PCDH15: variants seen among roughly 807,000 people sequenced by gnomAD.
PCDH15 encodes protocadherin-15.
In PCDH15, 129 loss-of-function variants were observed where a neutral mutation model predicts 178.5. The ratio of observed to expected loss-of-function variants is 0.72; its 90% confidence interval spans 0.63 to 0.84. PCDH15 has a LOEUF of 0.84. Ranked by LOEUF, PCDH15 falls within the 40% of genes least tolerant of loss-of-function variation. The pLI, the probability that PCDH15 is intolerant of heterozygous loss-of-function variation, is 0.00. For missense variants in PCDH15, 2,230 were observed against 2,099.9 expected, an observed-to-expected ratio of 1.06 and a Z score of -1.21; for synonymous variants, 800 against 732.0, an observed-to-expected ratio of 1.09 and a Z score of -1.50.
At chr10:55,371,182 T>C (rs2131989601) in intron 2 of PCDH15, among the ~76,000 whole-genome samples, 1 of 152,168 alleles carries the variant, frequency 6.6e-6, no homozygotes. Context: ...ATTAAAAGGA[T>C]GAGAAATTAA....
chr10:54,657,048 G>A (rs1258655499), intron 2 of PCDH15, among the ~76,000 whole-genome samples: 1 of 152,138 alleles, frequency 6.6e-6, no homozygotes, highest in Non-Finnish European at 1.5e-5. Context: ...CAAAGAAATA[G>A]CATCCCAGCA....
chr10:54,044,479 CAGTGA>C (rs2093617309), intron 18 of PCDH15, among the ~76,000 whole-genome samples: 1 of 152,032 alleles, frequency 6.6e-6, no homozygotes. Flanking sequence ...TTGAAAAGTT[CAGTGA>C]TGGCTCTCCT....
In PCDH15 at chr10:54,003,590, T is replaced by C. The variant is rs186690220; in HGVS notation, c.2752-7825A>G. ...ATCCAAAACATTGAACAAACTAGTA[T>C]CAAGTAACAAGATATAGCAAATAAC... On this transcript the variant is annotated intron_variant, in intron 20 of 37. Transcript: ENST00000644397. Among the ~76,000 whole-genome samples, 1,130 of 151,738 alleles carry C rather than the reference T, an allele frequency of 7.4e-3. 10 individuals are homozygous for C. Among genetic ancestry groups the C allele is most frequent in the African/African-American group, 0.026 (1,064 of 41,414 alleles).
chr10:54,998,833 T>G (rs1177255271), intron 2 of PCDH15, among the ~76,000 whole-genome samples: 1 of 152,192 alleles, frequency 6.6e-6, no homozygotes, highest in East Asian at 1.9e-4. Flanking sequence ...TAAAATGCAT[T>G]GTGGTATTTT....
intron 3 of PCDH15, among the ~76,000 whole-genome samples, chr10:54,498,386 AC>A (rs2137334342): frequency 6.6e-6 from 1 of 152,306 alleles, no homozygotes; most frequent in African/African-American, 2.4e-5. Context: ...CTACAAAGGA[AC>A]TATACAATTC....
rs117458736 is a variant in PCDH15, at chr10:54,115,554, T to C, written c.1917+17321A>G. Among the ~76,000 whole-genome samples the C allele has an allele frequency of 4.3e-4, 65 of 152,304 alleles. No homozygotes were observed. The East Asian group carries it at 9.8e-3, about 23-fold the overall frequency. ...GCTTTCTGAGGCAACCTGCGTCTAA[T>C]GAATATTGATGCAGACATATAAACA... On this transcript the variant is annotated intron_variant, in intron 15 of 37. Coordinates refer to ENST00000644397, the MANE Select transcript of PCDH15 (RefSeq NM_001384140.1).
At chr10:54,262,000 A>G (rs1156244088) in intron 8 of PCDH15, among the ~76,000 whole-genome samples, 1 of 152,198 alleles carries the variant, frequency 6.6e-6, no homozygotes, top group African/African-American at 2.4e-5. Flanking sequence ...GGACTGGCCC[A>G]TATACCTTGA....
At chr10:54,608,640 T>C (rs975936365) in intron 2 of PCDH15, among the ~76,000 whole-genome samples, 3 of 151,836 alleles carry the variant, frequency 2.0e-5, no homozygotes, top group African/African-American at 7.3e-5. Context: ...GAGAAAGTCA[T>C]CAAACAAAAT....
intron 11 of PCDH15, among the ~76,000 whole-genome samples, chr10:54,187,811 C>T (rs2384393): frequency 0.43 from 65,821 of 151,466 alleles, 17,337 homozygotes; most frequent in East Asian, 0.94. Flanking sequence ...ATAAATGCTA[C>T]TGGTAAATAT....
intron 3 of PCDH15, among the ~76,000 whole-genome samples, chr10:54,827,008 A>T (rs946842720): frequency 1.3e-5 from 2 of 152,134 alleles, no homozygotes; most frequent in African/African-American, 4.8e-5. Flanking sequence ...CCAAAAACAC[A>T]CAAAAACATC....
rs563943905 is a variant in PCDH15 at position 55,018,806 on chromosome 10, G to A, written c.-79-121306C>T. Among the ~76,000 whole-genome samples, 288 of 152,168 alleles carry A rather than the reference G, an allele frequency of 1.9e-3. 1 individual carries two copies. Among genetic ancestry groups the A allele is most frequent in the Non-Finnish European group, 3.6e-3 (246 of 67,950 alleles). ...GCTAGAACATTTTGTTGACATTGAG[G>A]CTAGATGTTGTGGAATTCCCAAATT... On this transcript the variant is annotated intron_variant, in intron 2 of 5. Coordinates refer to the PCDH15 transcript ENST00000458638.
chr10:55,519,380 C>T (rs183926236), intron 2 of PCDH15, among the ~76,000 whole-genome samples: 46 of 150,658 alleles, frequency 3.1e-4, no homozygotes, highest in Admixed American at 3.3e-4. Flanking sequence ...AGAACAAATT[C>T]GAGGTTTCTG....
At chr10:55,220,573 C>A (rs1224469057) in intron 1 of PCDH15, among the ~76,000 whole-genome samples, 1 of 152,016 alleles carries the variant, frequency 6.6e-6, no homozygotes, top group Non-Finnish European at 1.5e-5. Flanking sequence ...GACTATATTT[C>A]TCCTAAGCTA....
chr10:54,729,337 A>T (rs1304498926), intron 1 of PCDH15, among the ~76,000 whole-genome samples: 1 of 151,682 alleles, frequency 6.6e-6, no homozygotes, highest in Non-Finnish European at 1.5e-5. Flanking sequence ...CCTATTCAAT[A>T]AATGAAGCTG....
intron 2 of PCDH15, among the ~76,000 whole-genome samples, chr10:54,969,052 A>T (rs1055427486): frequency 1.3e-5 from 2 of 151,352 alleles, no homozygotes; most frequent in Non-Finnish European, 1.5e-5. Flanking sequence ...TAATTCTATC[A>T]TATCTGTAAC....
intron 1 of PCDH15, among the ~76,000 whole-genome samples, chr10:55,221,614 A>C (rs2132184698): frequency 6.6e-6 from 1 of 152,162 alleles, no homozygotes; most frequent in Non-Finnish European, 1.5e-5. Flanking sequence ...AGATACATTC[A>C]TTAAGCTGAA....
intron 2 of PCDH15, among the ~76,000 whole-genome samples, chr10:54,543,128 C>CA (rs79537877): frequency 0.07 from 10,575 of 152,124 alleles, 631 homozygotes; most frequent in East Asian, 0.3. Context: ...CCGAATGGCC[C>CA]ACTCCAAGGG....
chr10:54,769,188 G>T (rs1643945859), intron 1 of PCDH15, among the ~76,000 whole-genome samples: 1 of 152,052 alleles, frequency 6.6e-6, no homozygotes, highest in East Asian at 1.9e-4. Flanking sequence ...AAAGTTGCAA[G>T]ACACTTCATG....
intron 16 of PCDH15, among the ~76,000 whole-genome samples, chr10:54,089,773 A>G (rs564554137): frequency 6.6e-6 from 1 of 152,240 alleles, no homozygotes; most frequent in African/African-American, 2.4e-5. Flanking sequence ...ACCTCAGTAG[A>G]TTTTACCTAG....
Sources: gnomAD v4.1 joint callset for allele counts (sites outside exome capture counted in the v4.1 genomes callset) on GRCh38, gnomAD v4.1.1 for gene constraint, MANE v1.5 for transcripts, NCBI Gene and HGNC (gene_info 2026-07-23, HGNC 2026-07-21) for gene names.